IMPG2: variants seen among roughly 807,000 people sequenced by gnomAD.
IMPG2 encodes IPM 200.
In IMPG2, 91 loss-of-function variants were observed where a neutral mutation model predicts 129.2. That is an observed-to-expected ratio of 0.70 (90% CI 0.59 to 0.84). The LOEUF (loss-of-function observed/expected upper bound fraction) is 0.84. Ranked by LOEUF, IMPG2 falls within the 40% of genes least tolerant of loss-of-function variation. The pLI is 0.00. For missense variants in IMPG2, 1,430 were observed against 1,461.7 expected (o/e 0.98, Z 0.35); for synonymous variants, 510 against 517.7 (o/e 0.99, Z 0.20).
At position 101,229,665 on chromosome 3, in the gene IMPG2, A is replaced by G. The variant is rs1706265955; in HGVS notation, c.3423-75T>C. 4.5e-6 allele frequency: 6 copies of G among 1,322,346 alleles called. No individual in the cohort carries two copies. In the East Asian group the frequency reaches 1.4e-4, roughly 31 times the overall value. The allele number at this position is 1,322,346 out of a possible 1,614,324, so 81.9% of individuals were successfully genotyped here. A position where few individuals can be genotyped will look rare whatever the true frequency, so the allele number is the denominator to read the frequency against. ...TGTGGAAGACTATTTACCTGGGACA[A>G]TATTTCTGTTGAAGAAAAACAGGTG... On this transcript the variant is annotated intron_variant, in intron 16 of 18. Transcript: ENST00000193391.
At position 101,232,890 on chromosome 3, in the gene IMPG2, A is replaced by G; in HGVS notation, c.3124T>C (p.Tyr1042His). The change falls in exon 15 of 19, where the codon TAC (tyrosine) becomes CAC (histidine). Residue 1042 changes from tyrosine to histidine, a missense_variant. Physicochemically the swap from Tyr to His is moderately conservative, Grantham distance 83. Transcript: ENST00000193391. ...CAGGGCCGTTCTTCCACACTCAGGTATCCAGGGAAGCATCTGCACTTTGCT... is the reference window on the plus strand; with the variant it reads ...CAGGGCCGTTCTTCCACACTCAGGTGTCCAGGGAAGCATCTGCACTTTGCT... Reference protein sequence around the residue: ...GEAKCRCFPGYLSVEERPCQS... With the variant: ...GEAKCRCFPGHLSVEERPCQS... The G allele has an allele frequency of 6.2e-7, 1 of 1,613,958 alleles. No homozygotes were observed. Among genetic ancestry groups the G allele is most frequent in the Non-Finnish European group, 8.5e-7 (1 of 1,179,984 alleles).
chr3:101,250,427 G>A (rs1395209079), intron 11 of IMPG2, among the ~76,000 whole-genome samples: 3 of 152,138 alleles, frequency 2.0e-5, no homozygotes, highest in Non-Finnish European at 2.9e-5. Flanking sequence ...GAGGGGCTGA[G>A]CATGCACATG....
intron 9 of IMPG2, among the ~76,000 whole-genome samples, chr3:101,264,609 G>A (rs1706703191): frequency 6.6e-6 from 1 of 152,076 alleles, no homozygotes; most frequent in South Asian, 2.1e-4. Context: ...ATGGGGAAAA[G>A]TTGGAAGCAT....
chr3:101,251,104 C>G (rs1483388104), intron 11 of IMPG2, among the ~76,000 whole-genome samples: 1 of 152,124 alleles, frequency 6.6e-6, no homozygotes, highest in Non-Finnish European at 1.5e-5. Context: ...TGTGAGATAG[C>G]TTAAGCCCTT....
intron 9 of IMPG2, 95 bp from the exon 10 acceptor site, chr3:101,257,868 GGGAGTC>G: frequency 7.1e-7 from 1 of 1,405,762 alleles, no homozygotes; most frequent in Non-Finnish European, 1.0e-6. Flanking sequence ...GACCTAGAGG[GGGAGTC>G]TCAAAGAGCA....
chr3:101,276,801 A>G (rs1031000335), intron 4 of IMPG2, 88 bp from the exon 5 acceptor site: 1 of 975,020 alleles, frequency 1.0e-6, no homozygotes, highest in South Asian at 1.4e-5. Context: ...CAAAAAGGAA[A>G]GCACTAGATC....
intron 3 of IMPG2, among the ~76,000 whole-genome samples, chr3:101,294,245 C>A (rs959716418): frequency 6.6e-6 from 1 of 151,596 alleles, no homozygotes; most frequent in Admixed American, 6.6e-5. Context: ...CTCCCCTTGG[C>A]CCCCACCCCC....
intron 4 of IMPG2, among the ~76,000 whole-genome samples, chr3:101,283,137 C>T (rs1706910811): frequency 6.6e-6 from 1 of 152,132 alleles, no homozygotes; most frequent in Non-Finnish European, 1.5e-5. Flanking sequence ...ATTCTCCTGC[C>T]TTAGCCTCCC....
intron 11 of IMPG2, among the ~76,000 whole-genome samples, chr3:101,252,826 A>T (rs1236493558): frequency 6.6e-6 from 1 of 152,168 alleles, no homozygotes; most frequent in Non-Finnish European, 1.5e-5. Context: ...CCATCGCTCC[A>T]TTAAAGTCGA....
chr3:101,303,848 G>A (rs1252488585), intron 3 of IMPG2, among the ~76,000 whole-genome samples: 1 of 152,162 alleles, frequency 6.6e-6, no homozygotes, highest in African/African-American at 2.4e-5. Flanking sequence ...AACCTTTGCT[G>A]AATATTATTT....
At chr3:101,249,193 C>A (rs1706517553) in intron 11 of IMPG2, among the ~76,000 whole-genome samples, 1 of 152,128 alleles carries the variant, frequency 6.6e-6, no homozygotes, top group Non-Finnish European at 1.5e-5. Flanking sequence ...CCTCAACATT[C>A]TTTTTTTGCT....
intron 11 of IMPG2, among the ~76,000 whole-genome samples, chr3:101,248,457 A>G (rs2107224662): frequency 6.6e-6 from 1 of 152,302 alleles, no homozygotes; most frequent in African/African-American, 2.4e-5. Flanking sequence ...GCGTGAAAAC[A>G]GATTAATACA....
rs781761103 is a variant in IMPG2, at chr3:101,304,311, C to T, written c.336G>A (p.Val112=). The T allele has an allele frequency of 5.0e-6, 8 of 1,613,522 alleles. No individual in the cohort carries two copies. The South Asian group carries it at 6.6e-5, about 13-fold the overall frequency. Residue 112 remains valine (V), a splice_region_variant and synonymous_variant, in exon 3 of 19, where the codon GTG becomes GTA. Coordinates refer to ENST00000193391, the MANE Select transcript of IMPG2 (RefSeq NM_016247.4). ...ANHVKYFKVR[V]CQEAVWEAFR... ...AGGCTTCCCAGACAGCTTCCTGACACACTAGAAAATAGAGAGGTGTTTTTT... is the reference window on the plus strand; with the variant it reads ...AGGCTTCCCAGACAGCTTCCTGACATACTAGAAAATAGAGAGGTGTTTTTT...
At chr3:101,319,245 A>G (rs1260318531) in intron 2 of IMPG2, among the ~76,000 whole-genome samples, 1 of 152,144 alleles carries the variant, frequency 6.6e-6, no homozygotes, top group Admixed American at 6.6e-5. Flanking sequence ...AAGACATCTT[A>G]TTGTGACTGC....
At chr3:101,281,863 G>T (rs1412521338) in intron 4 of IMPG2, among the ~76,000 whole-genome samples, 1 of 152,046 alleles carries the variant, frequency 6.6e-6, no homozygotes, top group Non-Finnish European at 1.5e-5. Context: ...AAATGTGGGT[G>T]GTCTGTAGAA....
chr3:101,295,908 G>T (rs1395432307), intron 3 of IMPG2, among the ~76,000 whole-genome samples: 1 of 152,174 alleles, frequency 6.6e-6, no homozygotes, highest in African/African-American at 2.4e-5. Context: ...TTTGCACATT[G>T]ATTTTGTATC....
chr3:101,229,806 C>T (rs933120926), intron 16 of IMPG2, among the ~76,000 whole-genome samples: 2 of 152,238 alleles, frequency 1.3e-5, no homozygotes, highest in South Asian at 4.1e-4. Flanking sequence ...GCCCTGTGGA[C>T]TTGTTCCATG....
chr3:101,224,226 G>A lies in IMPG2; in HGVS notation c.*2743C>T, dbSNP rs1218292633. 1 of 152,082 alleles carries A rather than the reference G, an allele frequency of 6.6e-6. No individual in the cohort carries two copies. Among genetic ancestry groups the A allele is most frequent in the African/African-American group, 2.4e-5 (1 of 41,408 alleles). The allele number at this position is 152,082 out of a possible 1,614,324, so 9.4% of individuals were successfully genotyped here. Reference sequence around the variant, plus strand: ...CTTAAACCATTGCAATGGTGAAAATGGAGCCCTATTTATCAAATAAATTCC... The same window carrying A: ...CTTAAACCATTGCAATGGTGAAAATAGAGCCCTATTTATCAAATAAATTCC... On this transcript the variant is annotated 3_prime_UTR_variant, in exon 19 of 19. Transcript: ENST00000193391.
intron 13 of IMPG2, among the ~76,000 whole-genome samples, chr3:101,243,201 G>A (rs1706429536): frequency 6.6e-6 from 1 of 152,192 alleles, no homozygotes; most frequent in Admixed American, 6.5e-5. Flanking sequence ...TCACAACAGT[G>A]GAGGCAACAT....
Sources: allele counts gnomAD v4.1 joint callset (sites outside exome capture counted in the v4.1 genomes callset), GRCh38; gene constraint gnomAD v4.1.1; transcripts MANE v1.5; gene names NCBI Gene and HGNC (gene_info 2026-07-23, HGNC 2026-07-21).